Variants in PGC observed in about 807,000 individuals in gnomAD.
The protein encoded by PGC is progastricsin.
PGC carries 31 observed loss-of-function variants against 45.9 expected under a neutral mutation model. The observed-to-expected ratio is 0.67, with a 90% CI of 0.51 to 0.91. PGC has a LOEUF of 0.91. Among genes scored for constraint, PGC ranks in the 40% least tolerant of loss-of-function variants. PGC has a pLI of 0.00. For synonymous variants in PGC, 192 were observed against 201.8 expected (o/e 0.95, Z 0.41); for missense variants, 477 against 493.2 (o/e 0.97, Z 0.31).
chr6:41,741,367 C>T (rs935443670), intron 5 of PGC: 15 of 752,104 alleles, frequency 2.0e-5, no homozygotes, highest in African/African-American at 1.6e-4. Flanking sequence ...TGCCTAAGGC[C>T]GGGCGCAGTG....
chr6:41,738,193 T>TATATATGC (rs1554138628), intron 7 of PGC, among the ~76,000 whole-genome samples: 1,929 of 33,342 alleles, frequency 0.058, 62 homozygotes, highest in East Asian at 0.12. Flanking sequence ...TATATATGCA[T>TATATATGC]ATATATATGC....
chr6:41,744,642 A>G lies in PGC; in HGVS notation c.210+16T>C. 6.2e-7 allele frequency: 1 copy of G among 1,613,402 alleles called. No homozygotes were observed. On this transcript the variant is annotated intron_variant, in intron 2 of 8. Coordinates refer to ENST00000373025, the MANE Select transcript of PGC (RefSeq NM_002630.4). The surrounding 1 kb of genome is among the most constrained non-coding windows in gnomAD (Gnocchi z 4.4). The stretch of plus-strand genomic sequence containing the variant: ...CACCAGAGAGAAGGCTACCGCCAGA[A>G]AGGGTCAGGACTCACATCCATGTAG...
chr6:41,743,434 G>T, intron 3 of PGC, 45 bp from the exon 4 acceptor site: 1 of 1,223,096 alleles, frequency 8.2e-7, no homozygotes, highest in Non-Finnish European at 1.2e-6. Context: ...GCTGGGGCAG[G>T]GCTGCTCAGC....
chr6:41,737,756 G>A lies in PGC; in HGVS notation c.988C>T (p.Leu330=). The A allele has an allele frequency of 1.2e-6, 2 of 1,609,140 alleles. No homozygotes were observed. The highest frequency in any genetic ancestry group is 2.2e-5 in the East Asian group (1 of 44,846). The change falls in exon 8 of 9, where the codon CTG becomes TTG. Residue 330 remains leucine (L), a synonymous_variant. Transcript: ENST00000373025. ...CTGAGGATATAGGAGGAAGGTGGCA[G>A]AGGGAACTCCACACCATTGATGATG... The part of the protein sequence containing the change: ...TFIINGVEFP[L]PPSSYILSNN...
In PGC at chr6:41,747,159, C is replaced by T. The variant is rs530658269; in HGVS notation, c.59+117G>A. 9.6e-6 allele frequency: 8 copies of T among 829,416 alleles called. No homozygotes were observed. In the Admixed American group the frequency reaches 9.7e-5, roughly 10 times the overall value. The allele number at this position is 829,416 out of a possible 1,614,324, so 51.4% of individuals were successfully genotyped here. A position where few individuals can be genotyped will look rare whatever the true frequency, so the allele number is the denominator to read the frequency against. On this transcript the variant is annotated intron_variant, in intron 1 of 8. Transcript: ENST00000373025. ...CATCAGCAAAGGGAGACTTCCCTTC[C>T]CCTAGCAGAAGTCCCAGAGTAGAGA...
In PGC at chr6:41,738,239, T is replaced by TATATATATGC. The variant is rs1561880025; in HGVS notation, c.916-412_916-411insGCATATATAT. On this transcript the variant is annotated intron_variant, in intron 7 of 8. Transcript: ENST00000373025. ...GCATATATATATGCATATATATATGTATATATATATGCATATATATATATG... is the reference window on the plus strand; with the variant it reads ...GCATATATATATGCATATATATATGTATATATATGCATATATATATGCATATATATATATG... 1.7e-3 allele frequency among the ~76,000 whole-genome samples: 83 copies of TATATATATGC among 49,850 alleles called. 7 individuals carry two copies. Among genetic ancestry groups the TATATATATGC allele is most frequent in the African/African-American group, 3.7e-3 (38 of 10,358 alleles). The allele number at this position is 49,850 out of a possible 152,430, so 32.7% of individuals were successfully genotyped here.
In PGC at chr6:41,738,156, A is replaced by ATATATATG. The variant is rs1491398770; in HGVS notation, c.916-329_916-328insCATATATA. On this transcript the variant is annotated intron_variant, in intron 7 of 8. Coordinates refer to ENST00000373025, the MANE Select transcript of PGC (RefSeq NM_002630.4). The stretch of plus-strand genomic sequence containing the variant: ...TGCATATATATATGCATATATATAT[A>ATATATATG]CATATATATGCATATATATATACAT... 3.5e-3 allele frequency among the ~76,000 whole-genome samples: 90 copies of ATATATATG among 25,512 alleles called. 7 individuals are homozygous for ATATATATG. Among genetic ancestry groups the ATATATATG allele is most frequent in the African/African-American group, 0.012 (87 of 7,402 alleles). The allele number at this position is 25,512 out of a possible 152,430, so 16.7% of individuals were successfully genotyped here.
At chr6:41,740,882 T>C in intron 5 of PGC, 1 of 1,434,036 alleles carries the variant, frequency 7.0e-7, no homozygotes, top group Non-Finnish European at 9.1e-7. Context: ...TCCCTGAGGA[T>C]GGGGCTGTAT....
intron 5 of PGC, chr6:41,741,298 C>A: frequency 7.6e-7 from 1 of 1,314,014 alleles, no homozygotes; most frequent in Non-Finnish European, 1.0e-6. Flanking sequence ...AGGGTGAGGT[C>A]CTTGAACTTC....
At position 41,747,389 on chromosome 6, in the gene PGC, C is replaced by A; in HGVS notation, c.-55G>T. On this transcript the variant is annotated 5_prime_UTR_variant, in exon 1 of 9. Coordinates refer to ENST00000373025, the MANE Select transcript of PGC (RefSeq NM_002630.4). ...AGAGCAGCTCTGAGTTCTGCAGTCG[C>A]AGTGGAGTGAAGACCTGGGCACTCT... 1 of 1,478,908 alleles carries A rather than the reference C, an allele frequency of 6.8e-7. No homozygotes were observed. The highest frequency in any genetic ancestry group is 1.1e-5 in the South Asian group (1 of 88,076). 91.6% of individuals were successfully genotyped at this position (1,478,908 alleles called of 1,614,324 possible). A position where few individuals can be genotyped will look rare whatever the true frequency, so the allele number is the denominator to read the frequency against.
intron 5 of PGC, chr6:41,741,947 C>T (rs546962519): frequency 2.7e-5 from 24 of 884,984 alleles, no homozygotes; most frequent in Non-Finnish European, 3.0e-5. Context: ...CTGCCCCACC[C>T]GCTTCTCCAC....
chr6:41,738,959 C>CA (rs1022165731), intron 7 of PGC, among the ~76,000 whole-genome samples: 6 of 149,662 alleles, frequency 4.0e-5, no homozygotes, highest in Non-Finnish European at 8.9e-5. Flanking sequence ...GACTCCGTCT[C>CA]AAAAAAACAA....
At position 41,744,991 on chromosome 6, in the gene PGC, CTCTCTG is replaced by C. The variant is rs70987530; in HGVS notation, c.60-189_60-184del. ...TTGCTCTCTGTCTCTGTCTGTCTGT[CTCTCTG>C]TGTGTGTGTGTGTGTGTGCGCGCGC... On this transcript the variant is annotated intron_variant, in intron 1 of 8. Coordinates refer to ENST00000373025, the MANE Select transcript of PGC (RefSeq NM_002630.4). The surrounding 1 kb of genome is among the most constrained non-coding windows in gnomAD (Gnocchi z 4.4). 0.033 allele frequency among the ~76,000 whole-genome samples: 1,335 copies of C among 39,866 alleles called. 11 individuals are homozygous for C. Among genetic ancestry groups the C allele is most frequent in the East Asian group, 0.073 (74 of 1,018 alleles). The allele number at this position is 39,866 out of a possible 152,430, so 26.2% of individuals were successfully genotyped here. A position where few individuals can be genotyped will look rare whatever the true frequency, so the allele number is the denominator to read the frequency against.
rs1771715062 is a variant in PGC at position 41,737,780 on chromosome 6, T to C, written c.964A>G (p.Ile322Val). ...AGAGGGAACTCCACACCATTGATGA[T>C]GAAGGTCAAGCTGGGCAGATTCTGA... ...SIQNLPSLTF[I>V]INGVEFPLPP... The change falls in exon 8 of 9, where the codon ATC becomes GTC. Residue 322 changes from isoleucine to valine, a missense_variant. Physicochemically the swap from Ile to Val is conservative, Grantham distance 29 (BLOSUM62 3). Transcript: ENST00000373025. 1.2e-6 allele frequency: 2 copies of C among 1,612,756 alleles called. No individual in the cohort carries two copies. The highest frequency in any genetic ancestry group is 2.7e-5 in the African/African-American group (2 of 74,834).
chr6:41,745,548 A>ACT (rs757004562), intron 1 of PGC, among the ~76,000 whole-genome samples: 13,750 of 138,568 alleles, frequency 0.099, 1,186 homozygotes, highest in African/African-American at 0.22. Flanking sequence ...CAGGATATGT[A>ACT]GTTTTTTTTT....
intron 5 of PGC, among the ~76,000 whole-genome samples, chr6:41,742,079 T>A (rs1248613827): frequency 1.3e-5 from 2 of 152,078 alleles, no homozygotes; most frequent in Non-Finnish European, 2.9e-5. Context: ...CGGAGGGGAC[T>A]GGGGACAGGT....
intron 8 of PGC, among the ~76,000 whole-genome samples, 166 bp downstream of exon 8, chr6:41,737,564 C>T (rs1771709351): frequency 6.6e-6 from 1 of 152,152 alleles, no homozygotes; most frequent in Non-Finnish European, 1.5e-5. Context: ...TATTTCATAG[C>T]CTTGTTCCAG....
At chr6:41,737,067 C>G in intron 8 of PGC, 63 bp from the exon 9 acceptor site, 1 of 1,488,456 alleles carries the variant, frequency 6.7e-7, no homozygotes, top group Non-Finnish European at 9.1e-7. Flanking sequence ...CCCTGCTCAG[C>G]TCTGAGCCCT....
chr6:41,738,147 TATATATATACATATATATGC>T (rs1771728971), intron 7 of PGC, among the ~76,000 whole-genome samples: 2 of 56,876 alleles, frequency 3.5e-5, no homozygotes, highest in African/African-American at 6.6e-5. Context: ...TATATATGCA[TATATATATACATATATATGC>T]ATATATATAT....
Sources: allele counts gnomAD v4.1 joint callset (sites outside exome capture counted in the v4.1 genomes callset), GRCh38; gene constraint gnomAD v4.1.1; non-coding constraint Gnocchi (gnomAD v3.1); transcripts MANE v1.5; gene names NCBI Gene and HGNC (gene_info 2026-07-23, HGNC 2026-07-21).